The following ENDOD1 variants were observed in gnomAD, a reference collection of about 807,000 sequenced individuals.
ENDOD1 encodes the protein endonuclease domain containing 1.
In ENDOD1, 9 loss-of-function variants were observed where a neutral mutation model predicts 6.5. That is an observed-to-expected ratio of 1.39 (90% CI 0.84 to 2.43). The LOEUF is 2.43. Among genes scored for constraint, ENDOD1 ranks in the 30% most tolerant of loss-of-function variants. The pLI is 0.00. For synonymous variants in ENDOD1, 255 were observed against 255.2 expected, an observed-to-expected ratio of 1.00 and a Z score of 0.01; for missense variants, 648 against 635.5, an observed-to-expected ratio of 1.02 and a Z score of -0.21.
chr11:95,123,279 G>GT (rs558668555), intron 1 of ENDOD1, among the ~76,000 whole-genome samples: 11,538 of 144,690 alleles, frequency 0.08, 1,285 homozygotes, highest in African/African-American at 0.25. Flanking sequence ...GTAATGTCCG[G>GT]TTTTTTTTTT....
intron 1 of ENDOD1, among the ~76,000 whole-genome samples, chr11:95,101,878 C>T (rs1344759718): frequency 6.6e-6 from 1 of 152,082 alleles, no homozygotes; most frequent in Non-Finnish European, 1.5e-5. Context: ...AAATAGAAGA[C>T]CTCAGGACTT....
At chr11:95,092,878 G>C (rs1858944563) in intron 1 of ENDOD1, among the ~76,000 whole-genome samples, 1 of 152,216 alleles carries the variant, frequency 6.6e-6, no homozygotes, top group Admixed American at 6.5e-5. Context: ...ATAATGCTGA[G>C]TCTCCTTGTA....
At chr11:95,097,957 C>A (rs1186806928) in intron 1 of ENDOD1, among the ~76,000 whole-genome samples, 1 of 152,150 alleles carries the variant, frequency 6.6e-6, no homozygotes, top group Non-Finnish European at 1.5e-5. Flanking sequence ...TATCCCTAAT[C>A]TGAAATGCTT....
At chr11:95,096,172 G>A (rs1228227818) in intron 1 of ENDOD1, among the ~76,000 whole-genome samples, 3 of 117,430 alleles carry the variant, frequency 2.6e-5, no homozygotes, top group African/African-American at 9.4e-5. Context: ...TTTGCCAGTA[G>A]CATTTGTTTT....
intron 1 of ENDOD1, among the ~76,000 whole-genome samples, chr11:95,121,888 G>T (rs977656730): frequency 3.9e-5 from 6 of 152,194 alleles, no homozygotes; most frequent in South Asian, 2.1e-4. Context: ...AGTCCAGGGG[G>T]ATTAGGTCAG....
intron 1 of ENDOD1, 150 bp downstream of exon 1, chr11:95,090,377 C>A: frequency 9.2e-7 from 1 of 1,083,106 alleles, no homozygotes; most frequent in Non-Finnish European, 1.2e-6. Context: ...GTTCCAGGTC[C>A]ACCCTGTTGC....
chr11:95,108,570 T>C (rs1555111643), intron 1 of ENDOD1, among the ~76,000 whole-genome samples: 1 of 151,140 alleles, frequency 6.6e-6, no homozygotes, highest in African/African-American at 2.5e-5. Context: ...ATTCCCCTAA[T>C]TCTTCTAAAG....
At position 95,089,881 on chromosome 11, in the gene ENDOD1, C is replaced by T. The variant is rs1047149805; in HGVS notation, c.-47C>T. On this transcript the variant is annotated 5_prime_UTR_variant, in exon 1 of 2. Transcript: ENST00000278505. ...CCCCGCCCAGCCTGCAGAGCTCGCG[C>T]CGCGGCAGCCCAGCCGCTCGGCCCC... 1.7e-5 allele frequency: 22 copies of T among 1,290,226 alleles called. No individual in the cohort carries two copies. The highest frequency in any genetic ancestry group is 2.2e-5 in the Non-Finnish European group (22 of 1,016,612). 79.9% of individuals were successfully genotyped at this position (1,290,226 alleles called of 1,614,324 possible). A position where few individuals can be genotyped will look rare whatever the true frequency, so the allele number is the denominator to read the frequency against.
rs947876480 is a variant in ENDOD1, at chr11:95,128,943, C to T, written c.867C>T (p.Ile289=). The T allele has an allele frequency of 1.9e-6, 3 of 1,613,950 alleles. No homozygotes were observed. Among genetic ancestry groups the T allele is most frequent in the African/African-American group, 2.7e-5 (2 of 74,880 alleles). Residue 289 remains isoleucine (I), a synonymous_variant, in exon 2 of 2, where the codon ATC becomes ATT. Transcript: ENST00000278505. The part of the protein sequence containing the change: ...MKKILEVVNQ[I]QDEERMVQSQ... ...AAATCCTGGAAGTGGTTAACCAAAT[C>T]CAGGATGAAGAACGAATGGTACAAT...
chr11:95,098,403 A>G (rs189800895), intron 1 of ENDOD1, among the ~76,000 whole-genome samples: 26 of 152,316 alleles, frequency 1.7e-4, no homozygotes, highest in African/African-American at 6.3e-4. Context: ...GGTGTTGGAC[A>G]TGTCTCCCTC....
At chr11:95,128,354 C>T in intron 1 of ENDOD1, 23 bp from the exon 2 acceptor site, 1 of 1,598,716 alleles carries the variant, frequency 6.3e-7, no homozygotes, top group Non-Finnish European at 8.5e-7. Context: ...GGATGCATCT[C>T]ACCACTTGTT....
rs1429932703 is a variant in ENDOD1, at chr11:95,129,610, T to G, written c.*31T>G. ...AAAAACTAATAGTATCCAGTCACAG[T>G]GAATTTGAAAGCTGGAATAGTTTGT... On this transcript the variant is annotated 3_prime_UTR_variant, in exon 2 of 2. Transcript: ENST00000278505. 6.3e-6 allele frequency: 10 copies of G among 1,575,730 alleles called. No homozygotes were observed. In the Admixed American group the frequency reaches 1.5e-4, roughly 23 times the overall value.
chr11:95,127,878 G>A (rs545212225), intron 1 of ENDOD1, among the ~76,000 whole-genome samples: 1 of 152,082 alleles, frequency 6.6e-6, no homozygotes, highest in African/African-American at 2.4e-5. Context: ...TCCTGCCTCA[G>A]CCTCCCATGT....
chr11:95,107,327 C>G (rs1859098932), intron 1 of ENDOD1, among the ~76,000 whole-genome samples: 2 of 145,740 alleles, frequency 1.4e-5, no homozygotes, highest in African/African-American at 5.1e-5. Flanking sequence ...GAGCGAGACT[C>G]AGTCTCAAAA....
chr11:95,106,086 A>T (rs1418896097), intron 1 of ENDOD1, among the ~76,000 whole-genome samples: 1 of 152,226 alleles, frequency 6.6e-6, no homozygotes, highest in Non-Finnish European at 1.5e-5. Flanking sequence ...GTCAGAAGCC[A>T]GAGGGCAACG....
chr11:95,091,456 T>G (rs2134159273), intron 1 of ENDOD1, among the ~76,000 whole-genome samples: 1 of 152,350 alleles, frequency 6.6e-6, no homozygotes, highest in South Asian at 2.1e-4. Context: ...ATCAGGCATG[T>G]GAAAAAGACG....
At chr11:95,096,792 G>A (rs987428164) in intron 1 of ENDOD1, among the ~76,000 whole-genome samples, 20 of 152,136 alleles carry the variant, frequency 1.3e-4, no homozygotes, top group Non-Finnish European at 2.2e-4. Context: ...TGGAAAGAGA[G>A]CAGTGGTTAC....
chr11:95,128,847 G>A lies in ENDOD1; in HGVS notation c.771G>A (p.Leu257=). Residue 257 remains leucine, a synonymous_variant, in exon 2 of 2, where the codon CTG becomes CTA. Coordinates refer to ENST00000278505, the MANE Select transcript of ENDOD1 (RefSeq NM_015036.3). Reference sequence around the variant, plus strand: ...TGATGGTAAAAGATCTTCAGAAACTGCTTCCATTTAACCCTCAGCTGTTTC... The same window carrying A: ...TGATGGTAAAAGATCTTCAGAAACTACTTCCATTTAACCCTCAGCTGTTTC... ...EDVMVKDLQK[L]LPFNPQLFQN... 2 of 1,614,162 alleles carry A rather than the reference G, an allele frequency of 1.2e-6. No individual in the cohort carries two copies. Among genetic ancestry groups the A allele is most frequent in the Non-Finnish European group, 1.7e-6 (2 of 1,180,034 alleles).
intron 1 of ENDOD1, among the ~76,000 whole-genome samples, chr11:95,108,909 G>C (rs1859120289): frequency 6.6e-6 from 1 of 152,142 alleles, no homozygotes; most frequent in South Asian, 2.1e-4. Context: ...AAGATTATCT[G>C]ATGTTCTCAT....
Sources: allele counts gnomAD v4.1 joint callset (sites outside exome capture counted in the v4.1 genomes callset), GRCh38; gene constraint gnomAD v4.1.1; transcripts MANE v1.5; gene names NCBI Gene and HGNC (gene_info 2026-07-23, HGNC 2026-07-21).